The following EPHA6 variants were observed in gnomAD, a reference collection of about 807,000 sequenced individuals.
EPHA6 encodes EPH receptor A6, also known as ephrin type-A receptor 6.
In EPHA6, 50 loss-of-function variants were observed where a neutral mutation model predicts 112.0. The observed-to-expected ratio is 0.45, with a 90% CI of 0.36 to 0.56. EPHA6 has a LOEUF of 0.56. Among genes scored for constraint, EPHA6 ranks in the 20% least tolerant of loss-of-function variants. The pLI is 0.00. For synonymous variants in EPHA6, 529 were observed against 490.7 expected (o/e 1.08, Z -1.03); for missense variants, 1,280 against 1,417.4 (o/e 0.90, Z 1.56).
In EPHA6 at chr3:97,456,614, T is replaced by C. The variant is rs141956044; in HGVS notation, c.1894+7884T>C. Reference sequence around the variant, plus strand: ...TTTAGTATTTTATTTTTGTTTATTTTGTACATATATTAATAACAAGCAATC... The same window carrying C: ...TTTAGTATTTTATTTTTGTTTATTTCGTACATATATTAATAACAAGCAATC... On this transcript the variant is annotated intron_variant, in intron 7 of 17. Coordinates refer to ENST00000389672, the MANE Select transcript of EPHA6 (RefSeq NM_001080448.3). Among the ~76,000 whole-genome samples the C allele has an allele frequency of 5.5e-3, 844 of 152,258 alleles. 8 individuals are homozygous for C. Among genetic ancestry groups the C allele is most frequent in the African/African-American group, 0.019 (793 of 41,548 alleles).
rs541942449 is a variant in EPHA6, at chr3:97,419,614, G to A, written c.1731+14340G>A. Among the ~76,000 whole-genome samples the A allele has an allele frequency of 2.6e-4, 38 of 143,932 alleles. No individual in the cohort carries two copies. In the South Asian group the frequency reaches 7.3e-3, roughly 28 times the overall value. The allele number at this position is 143,932 out of a possible 152,430, so 94.4% of individuals were successfully genotyped here. ...CAATCCAGCCTGTGTGACAGAATGA[G>A]ACTCCCTCTCACACACACACACACA... is the stretch of plus-strand genomic sequence containing the variant. On this transcript the variant is annotated intron_variant, in intron 6 of 17. Coordinates refer to ENST00000389672, the MANE Select transcript of EPHA6 (RefSeq NM_001080448.3).
intron 1 of EPHA6, among the ~76,000 whole-genome samples, chr3:96,850,663 C>T (rs2035327470): frequency 6.6e-6 from 1 of 152,032 alleles, no homozygotes. Flanking sequence ...TTTCACACTG[C>T]AAGGTTTCAG....
chr3:97,360,009 A>G (rs1359706768), intron 5 of EPHA6, among the ~76,000 whole-genome samples: 1 of 152,204 alleles, frequency 6.6e-6, no homozygotes, highest in Non-Finnish European at 1.5e-5. Context: ...ACCCCTTTAT[A>G]TCTGAAAGTC....
At chr3:97,657,064 G>T (rs533792501) in intron 14 of EPHA6, among the ~76,000 whole-genome samples, 1 of 151,774 alleles carries the variant, frequency 6.6e-6, no homozygotes, top group Admixed American at 6.6e-5. Context: ...CATAATTTAG[G>T]CCTGGTCCTT....
At chr3:97,730,505 G>T (rs1359017081) in intron 15 of EPHA6, among the ~76,000 whole-genome samples, 1 of 151,716 alleles carries the variant, frequency 6.6e-6, no homozygotes, top group African/African-American at 2.4e-5. Context: ...TCTTCCAAAG[G>T]ATGACAGCCT....
chr3:97,609,563 T>C lies in EPHA6; in HGVS notation c.2513-1230T>C, dbSNP rs578225639. On this transcript the variant is annotated intron_variant, in intron 12 of 17. Coordinates refer to ENST00000389672, the MANE Select transcript of EPHA6 (RefSeq NM_001080448.3). ...AATGGAAAACTTCCTTGGGTTCTAA[T>C]TTTATGCATGATAAATTGGGAGCTT... Among the ~76,000 whole-genome samples the C allele has an allele frequency of 4.0e-5, 6 of 151,586 alleles. No individual in the cohort carries two copies. The East Asian group carries it at 7.7e-4, about 20-fold the overall frequency.
At chr3:97,311,085 T>G (rs543278993) in intron 5 of EPHA6, among the ~76,000 whole-genome samples, 16 of 151,700 alleles carry the variant, frequency 1.1e-4, no homozygotes, top group African/African-American at 3.9e-4. Flanking sequence ...GGTAAGTTAG[T>G]GTTTTTTGCA....
At chr3:96,871,615 A>G (rs1401036827) in intron 2 of EPHA6, among the ~76,000 whole-genome samples, 2 of 152,088 alleles carry the variant, frequency 1.3e-5, no homozygotes, top group Non-Finnish European at 2.9e-5. Context: ...AATAAAATAT[A>G]CATGTACACT....
chr3:97,716,708 A>T (rs966107701), intron 14 of EPHA6, among the ~76,000 whole-genome samples: 1 of 152,036 alleles, frequency 6.6e-6, no homozygotes, highest in African/African-American at 2.4e-5. Context: ...TATAAACTGT[A>T]TCCCGTATAT....
At chr3:96,880,530 A>C (rs2107507207) in intron 2 of EPHA6, among the ~76,000 whole-genome samples, 1 of 152,280 alleles carries the variant, frequency 6.6e-6, no homozygotes, top group African/African-American at 2.4e-5. Context: ...CCCTTTTAAA[A>C]AAAATTGAGT....
chr3:96,941,270 C>T (rs748989722), intron 2 of EPHA6, among the ~76,000 whole-genome samples: 5 of 152,154 alleles, frequency 3.3e-5, no homozygotes, highest in Non-Finnish European at 7.4e-5. Context: ...TCACATAGTC[C>T]CATATTTCCT....
At chr3:96,885,228 G>T (rs1396983329) in intron 2 of EPHA6, among the ~76,000 whole-genome samples, 1 of 152,100 alleles carries the variant, frequency 6.6e-6, no homozygotes, top group Non-Finnish European at 1.5e-5. Context: ...TTAGGGTGAT[G>T]CTGGCTTCAT....
chr3:96,861,793 T>C (rs2036023537), intron 1 of EPHA6, among the ~76,000 whole-genome samples: 1 of 151,926 alleles, frequency 6.6e-6, no homozygotes, highest in African/African-American at 2.4e-5. Context: ...ATAATTGATC[T>C]CAGGTTCTAG....
intron 5 of EPHA6, among the ~76,000 whole-genome samples, chr3:97,277,018 G>A (rs2080108540): frequency 6.6e-6 from 1 of 152,116 alleles, no homozygotes; most frequent in African/African-American, 2.4e-5. Context: ...TTGGGACCTA[G>A]CTCGGCCTGG....
At chr3:97,163,970 T>C (rs1298251475) in intron 3 of EPHA6, among the ~76,000 whole-genome samples, 19 of 152,238 alleles carry the variant, frequency 1.2e-4, no homozygotes, top group Admixed American at 1.2e-3. Context: ...CTGCAGCTAC[T>C]GGAAATAAAA....
intron 3 of EPHA6, among the ~76,000 whole-genome samples, chr3:97,150,519 C>G (rs576503737): frequency 2.6e-5 from 4 of 152,160 alleles, no homozygotes; most frequent in African/African-American, 9.6e-5. Flanking sequence ...GCTCAGGGTT[C>G]CGCCCCTGTT....
At chr3:96,949,155 G>T (rs2041419446) in intron 2 of EPHA6, among the ~76,000 whole-genome samples, 1 of 152,060 alleles carries the variant, frequency 6.6e-6, no homozygotes, top group South Asian at 2.1e-4. Flanking sequence ...AAATAAATGA[G>T]AATCTGGCCC....
chr3:97,340,718 C>A (rs567474185), intron 5 of EPHA6, among the ~76,000 whole-genome samples: 1 of 152,140 alleles, frequency 6.6e-6, no homozygotes, highest in Non-Finnish European at 1.5e-5. Flanking sequence ...GACTTGTAGA[C>A]AGTCACCTTC....
chr3:97,161,630 C>A (rs547298355), intron 3 of EPHA6, among the ~76,000 whole-genome samples: 1 of 151,934 alleles, frequency 6.6e-6, no homozygotes, highest in Non-Finnish European at 1.5e-5. Context: ...TTTTTCCTGG[C>A]GGCAGGAGAG....
Sources: gnomAD v4.1 joint callset for allele counts (sites outside exome capture counted in the v4.1 genomes callset) on GRCh38, gnomAD v4.1.1 for gene constraint, MANE v1.5 for transcripts, NCBI Gene and HGNC (gene_info 2026-07-23, HGNC 2026-07-21) for gene names.